DEUP1: variants seen among roughly 807,000 people sequenced by gnomAD.
DEUP1 encodes the protein deuterosome assembly protein 1, also known as coiled-coil domain containing 67.
In DEUP1, 82 loss-of-function variants were observed where a neutral mutation model predicts 87.4. The observed-to-expected ratio is 0.94, with a 90% CI of 0.78 to 1.13. The LOEUF (loss-of-function observed/expected upper bound fraction) is 1.13, where lower values mean the gene tolerates loss of function less well. Among genes scored for constraint, DEUP1 ranks in the 50% most tolerant of loss-of-function variants. DEUP1 has a pLI of 0.00. For missense variants in DEUP1, 663 were observed against 681.5 expected, an observed-to-expected ratio of 0.97 and a Z score of 0.30; for synonymous variants, 214 against 222.7, an observed-to-expected ratio of 0.96 and a Z score of 0.35.
intron 11 of DEUP1, among the ~76,000 whole-genome samples, chr11:93,404,333 G>T (rs564387858): frequency 9.0e-4 from 137 of 152,050 alleles, no homozygotes; most frequent in African/African-American, 3.2e-3. Flanking sequence ...TCCTTCAATT[G>T]TATTATTAAT....
At chr11:93,332,088 T>G (rs773175770) in intron 1 of DEUP1, 128 bp from the exon 2 acceptor site, 12 of 527,346 alleles carry the variant, frequency 2.3e-5, no homozygotes, top group Admixed American at 9.2e-5. Flanking sequence ...TTCTATATTT[T>G]GTAGGATCAA....
chr11:93,408,362 C>A lies in DEUP1; in HGVS notation c.1458C>A (p.Asn486Lys). 1 of 1,574,250 alleles carries A rather than the reference C, an allele frequency of 6.4e-7. No individual in the cohort carries two copies. The highest frequency in any genetic ancestry group is 1.2e-5 in the South Asian group (1 of 85,512). ...GAAAATCAACCTGGACTAATCAAAA[C>A]ACCTATGAAGAAACAGGAAGATATG... ...VNGKSTWTNQNTYEETGRYAY... is the reference protein window; with the variant it reads ...VNGKSTWTNQKTYEETGRYAY... The change falls in exon 12 of 14, where the codon AAC becomes AAA. Residue 486 changes from asparagine (N) to lysine (K), a missense_variant. By Grantham distance (94) the Asn-to-Lys change is moderately conservative. Transcript: ENST00000298050.
chr11:93,408,147 C>T, intron 11 of DEUP1, 84 bp from the exon 12 acceptor site: 1 of 1,011,000 alleles, frequency 9.9e-7, no homozygotes, highest in Non-Finnish European at 1.4e-6. Context: ...AAGGGCCTTT[C>T]CAGCACAAGT....
At chr11:93,386,394 TAGAC>T (rs1370614329) in intron 8 of DEUP1, among the ~76,000 whole-genome samples, 2 of 152,224 alleles carry the variant, frequency 1.3e-5, no homozygotes, top group African/African-American at 4.8e-5. Flanking sequence ...TGTGTGTGAA[TAGAC>T]AGTTTGACTG....
Position 93,385,264 on chromosome 11 carries a change from A to G in DEUP1, c.790-134A>G. ...AAAAATGAAGGAATGGAATTCTATG[A>G]GACAGAACAAGCAAAGGACTAAATA... On this transcript the variant is annotated intron_variant, in intron 7 of 13. Transcript: ENST00000298050. 1.2e-5 allele frequency: 10 copies of G among 806,208 alleles called. No homozygotes were observed. In the South Asian group the frequency reaches 1.7e-4, roughly 13 times the overall value. 49.9% of individuals were successfully genotyped at this position (806,208 alleles called of 1,614,324 possible).
chr11:93,340,594 A>G (rs545272523), intron 2 of DEUP1, among the ~76,000 whole-genome samples: 20 of 152,364 alleles, frequency 1.3e-4, no homozygotes, highest in South Asian at 4.1e-4. Context: ...AGAATAGACC[A>G]TAGGAGGGTA....
At chr11:93,386,230 G>C (rs2134327008) in intron 8 of DEUP1, among the ~76,000 whole-genome samples, 1 of 152,034 alleles carries the variant, frequency 6.6e-6, no homozygotes. Context: ...CATCTTGTCT[G>C]TTCCATTGAG....
At chr11:93,431,749 G>C (rs1238359625) in intron 13 of DEUP1, among the ~76,000 whole-genome samples, 1 of 152,234 alleles carries the variant, frequency 6.6e-6, no homozygotes, top group Admixed American at 6.5e-5. Context: ...ATTAGATCCA[G>C]GAAATATTCT....
chr11:93,396,154 T>C, intron 10 of DEUP1, 85 bp from the exon 11 acceptor site: 1 of 799,406 alleles, frequency 1.3e-6, no homozygotes, highest in Non-Finnish European at 2.1e-6. Context: ...ACTTAGAAAA[T>C]ATTTGTATTC....
chr11:93,420,305 G>C (rs1947833701), intron 13 of DEUP1, among the ~76,000 whole-genome samples: 3 of 151,984 alleles, frequency 2.0e-5, no homozygotes, highest in South Asian at 2.1e-4. Flanking sequence ...CAGAACCAAA[G>C]ACAAAAACCA....
intron 2 of DEUP1, among the ~76,000 whole-genome samples, chr11:93,353,275 A>G (rs756796955): frequency 5.3e-5 from 8 of 152,214 alleles, no homozygotes; most frequent in Non-Finnish European, 8.8e-5. Flanking sequence ...CTATGACTTC[A>G]GGTCTCACAT....
Position 93,437,718 on chromosome 11 carries a change from G to T in DEUP1, c.1814G>T (p.Ter605LeuextTer41). 5 of 1,568,064 alleles carry T rather than the reference G, an allele frequency of 3.2e-6. No homozygotes were observed. The highest frequency in any genetic ancestry group is 2.6e-6 in the Non-Finnish European group (3 of 1,145,288). The change falls in exon 14 of 14, where the codon TGA becomes TTA. Residue 605 changes from the stop codon to leucine (L), a stop_lost. Transcript: ENST00000298050. ...AAGCTAAAACAAAATAGACACATAT[G>T]AGCTTTTAAACTTTTTTATTTGCTT... ...YSKLKQNRHI[*>L]
In DEUP1 at chr11:93,349,227, C is replaced by T. The variant is rs55981927; in HGVS notation, c.30-6144C>T. ...TGCTGAAAGAACTAGTGATGATGAC[C>T]TACAATGAAAGACTGAAACTATCAA... On this transcript the variant is annotated intron_variant, in intron 2 of 13. Transcript: ENST00000298050. 5.9e-5 allele frequency among the ~76,000 whole-genome samples: 9 copies of T among 152,222 alleles called. No homozygotes were observed. The South Asian group carries it at 1.9e-3, about 32-fold the overall frequency.
chr11:93,344,667 T>C (rs1944250070), intron 2 of DEUP1, among the ~76,000 whole-genome samples: 1 of 152,194 alleles, frequency 6.6e-6, no homozygotes. Context: ...TTTTTCTTAG[T>C]AGAATTTTTC....
intron 2 of DEUP1, among the ~76,000 whole-genome samples, chr11:93,343,615 A>G (rs1249117324): frequency 3.9e-5 from 6 of 152,228 alleles, no homozygotes. Flanking sequence ...TTAGAATGTG[A>G]GAAGTTATGA....
chr11:93,361,079 G>A (rs577941403), intron 4 of DEUP1, among the ~76,000 whole-genome samples: 2 of 152,094 alleles, frequency 1.3e-5, no homozygotes, highest in East Asian at 1.9e-4. Flanking sequence ...TAGCTATTGG[G>A]GAAACCAATT....
intron 11 of DEUP1, among the ~76,000 whole-genome samples, chr11:93,403,143 AAAG>A (rs1368043725): frequency 3.3e-5 from 5 of 151,976 alleles, no homozygotes; most frequent in Non-Finnish European, 7.4e-5. Flanking sequence ...TGGATCAATA[AAAG>A]AAGAATTTAA....
chr11:93,397,130 T>C (rs1178885081), intron 11 of DEUP1, among the ~76,000 whole-genome samples: 1 of 152,208 alleles, frequency 6.6e-6, no homozygotes, highest in Admixed American at 6.5e-5. Flanking sequence ...AATTACTTAA[T>C]TAGGCCTCAG....
At chr11:93,417,420 C>G (rs1304852784) in intron 13 of DEUP1, among the ~76,000 whole-genome samples, 2 of 151,776 alleles carry the variant, frequency 1.3e-5, no homozygotes, top group African/African-American at 4.8e-5. Context: ...TGAGTGAACT[C>G]CCATTCACAA....
Sources: gnomAD v4.1 joint callset for allele counts (sites outside exome capture counted in the v4.1 genomes callset) on GRCh38, gnomAD v4.1.1 for gene constraint, MANE v1.5 for transcripts, NCBI Gene and HGNC (gene_info 2026-07-23, HGNC 2026-07-21) for gene names.